Variants in CEP112 observed in about 807,000 individuals in gnomAD.
CEP112 encodes the protein centrosomal protein of 112 kDa.
A neutral mutation model predicts 153.0 loss-of-function variants in CEP112; 127 were observed. The ratio of observed to expected loss-of-function variants is 0.83; its 90% confidence interval spans 0.72 to 0.96. CEP112 has a LOEUF of 0.96. Among genes scored for constraint, CEP112 ranks in the 40% least tolerant of loss-of-function variants. The pLI, the probability that CEP112 is intolerant of heterozygous loss-of-function variation, is 0.00. For missense variants in CEP112, 1,089 were observed against 1,101.2 expected (o/e 0.99, Z 0.16); for synonymous variants, 358 against 374.4 (o/e 0.96, Z 0.51).
chr17:65,898,466 A>T (rs1210635734), intron 20 of CEP112, among the ~76,000 whole-genome samples: 3 of 152,154 alleles, frequency 2.0e-5, no homozygotes. Flanking sequence ...CTAAGTAGAA[A>T]AGAATTATTA....
In CEP112 at chr17:66,162,983, T is replaced by C. The variant is rs139256263; in HGVS notation, c.470+12061A>G. Reference sequence around the variant, plus strand: ...GGATAAATCTGAAAAATATGATGAGTTAAAGGAGCAAGTCTCAAAATAATA... The same window carrying C: ...GGATAAATCTGAAAAATATGATGAGCTAAAGGAGCAAGTCTCAAAATAATA... On this transcript the variant is annotated intron_variant, in intron 4 of 26. Coordinates refer to ENST00000535342, the MANE Select transcript of CEP112 (RefSeq NM_001199165.4). Among the ~76,000 whole-genome samples, 735 of 152,104 alleles carry C rather than the reference T, an allele frequency of 4.8e-3. 6 individuals are homozygous for C. The highest frequency in any genetic ancestry group is 0.017 in the African/African-American group (707 of 41,498).
chr17:65,952,672 T>C (rs1351993672), intron 18 of CEP112, among the ~76,000 whole-genome samples: 3 of 152,162 alleles, frequency 2.0e-5, no homozygotes, highest in African/African-American at 7.2e-5. Context: ...GTATTTAACA[T>C]TTTAAGAAAA....
chr17:66,030,327 C>T (rs1265003333), intron 12 of CEP112, among the ~76,000 whole-genome samples: 2 of 152,154 alleles, frequency 1.3e-5, no homozygotes, highest in Non-Finnish European at 2.9e-5. Context: ...GACAAAGTTC[C>T]TATCCTCAGG....
At chr17:65,723,138 T>G (rs1056857209) in intron 23 of CEP112, among the ~76,000 whole-genome samples, 2 of 152,216 alleles carry the variant, frequency 1.3e-5, no homozygotes, top group Non-Finnish European at 2.9e-5. Flanking sequence ...TTGTTTTATA[T>G]TCAAACAGGG....
chr17:65,704,841 T>G (rs1598358023), intron 23 of CEP112, among the ~76,000 whole-genome samples: 1 of 152,226 alleles, frequency 6.6e-6, no homozygotes, highest in African/African-American at 2.4e-5. Context: ...GGAAGAAGTT[T>G]AAAACTTTCC....
At chr17:65,896,313 G>C (rs999014060) in intron 20 of CEP112, among the ~76,000 whole-genome samples, 16 of 152,036 alleles carry the variant, frequency 1.1e-4, no homozygotes, top group African/African-American at 3.1e-4. Context: ...TTTTCTCCAT[G>C]ATGAGGGCAA....
intron 21 of CEP112, among the ~76,000 whole-genome samples, chr17:65,771,681 T>C (rs1471142350): frequency 6.6e-6 from 1 of 152,150 alleles, no homozygotes; most frequent in Admixed American, 6.6e-5. Context: ...TCTTAATTTT[T>C]GTAAAGTAAA....
At chr17:65,788,274 T>A (rs2054389825) in intron 21 of CEP112, among the ~76,000 whole-genome samples, 1 of 152,234 alleles carries the variant, frequency 6.6e-6, no homozygotes, top group South Asian at 2.1e-4. Flanking sequence ...TTGAAATGTA[T>A]AAACATTTTT....
intron 11 of CEP112, among the ~76,000 whole-genome samples, chr17:66,057,226 G>T (rs1423176955): frequency 6.6e-6 from 1 of 152,190 alleles, no homozygotes; most frequent in Non-Finnish European, 1.5e-5. Flanking sequence ...AGAGACAGGG[G>T]TCTCCTGAAC....
chr17:65,905,557 C>G (rs2060039598), intron 19 of CEP112, among the ~76,000 whole-genome samples: 1 of 152,160 alleles, frequency 6.6e-6, no homozygotes, highest in Admixed American at 6.5e-5. Context: ...CCTCAAGAAT[C>G]TAGAAACAGA....
intron 17 of CEP112, among the ~76,000 whole-genome samples, chr17:65,990,926 G>A (rs1266359923): frequency 6.6e-6 from 1 of 152,194 alleles, no homozygotes; most frequent in Admixed American, 6.5e-5. Context: ...ATTGAACTCA[G>A]TGCTGCCCTG....
intron 16 of CEP112, among the ~76,000 whole-genome samples, chr17:66,014,315 T>G (rs2064675152): frequency 6.6e-6 from 1 of 152,122 alleles, no homozygotes; most frequent in Non-Finnish European, 1.5e-5. Flanking sequence ...TAGGGAGGCA[T>G]CCTGGTTGAG....
chr17:65,747,645 T>C (rs1256394885), intron 22 of CEP112, among the ~76,000 whole-genome samples: 1 of 152,164 alleles, frequency 6.6e-6, no homozygotes, highest in African/African-American at 2.4e-5. Flanking sequence ...GTCTCCATTC[T>C]TTTCTTAAGA....
At chr17:65,955,473 C>T (rs192843675) in intron 18 of CEP112, among the ~76,000 whole-genome samples, 13 of 152,082 alleles carry the variant, frequency 8.5e-5, no homozygotes, top group East Asian at 3.9e-4. Flanking sequence ...ACAAATGGCA[C>T]GATGAATAGA....
intron 23 of CEP112, among the ~76,000 whole-genome samples, chr17:65,713,333 C>T (rs1198734322): frequency 6.6e-6 from 1 of 152,042 alleles, no homozygotes; most frequent in African/African-American, 2.4e-5. Context: ...CAAATCTGCA[C>T]AGGATACAAA....
At chr17:65,717,116 T>C (rs756977153) in intron 23 of CEP112, among the ~76,000 whole-genome samples, 13 of 152,160 alleles carry the variant, frequency 8.5e-5, no homozygotes, top group Non-Finnish European at 1.6e-4. Flanking sequence ...CCTAGAAAAA[T>C]GCTACTTTTA....
intron 21 of CEP112, among the ~76,000 whole-genome samples, chr17:65,772,930 C>G (rs1452033944): frequency 6.6e-6 from 1 of 152,030 alleles, no homozygotes; most frequent in African/African-American, 2.4e-5. Context: ...ACAATGATAG[C>G]AACAACAACA....
chr17:65,663,969 C>G (rs1051303988), intron 24 of CEP112, among the ~76,000 whole-genome samples: 2 of 152,144 alleles, frequency 1.3e-5, no homozygotes, highest in African/African-American at 4.8e-5. Context: ...TGGCCTGAAC[C>G]CGGGAGGCGG....
intron 24 of CEP112, chr17:65,655,367 C>T (rs536592713): frequency 3.3e-5 from 52 of 1,554,636 alleles, no homozygotes; most frequent in African/African-American, 3.1e-4. Context: ...AAGAAGACTA[C>T]GAAAGGAAGC....
Sources: allele counts gnomAD v4.1 joint callset (sites outside exome capture counted in the v4.1 genomes callset), GRCh38; gene constraint gnomAD v4.1.1; transcripts MANE v1.5; gene names NCBI Gene and HGNC (gene_info 2026-07-23, HGNC 2026-07-21).